TSPAN7: variants seen among roughly 807,000 people sequenced by gnomAD.
TSPAN7 encodes the protein tetraspanin 7.
Under a neutral mutation model 17.6 loss-of-function variants are expected in TSPAN7, and 1 was observed. The ratio of observed to expected loss-of-function variants is 0.06; its 90% CI spans 0.02 to 0.27. The LOEUF (loss-of-function observed/expected upper bound fraction) is 0.27, where lower values mean the gene tolerates loss of function less well. Ranked by LOEUF, TSPAN7 falls within the 10% of genes least tolerant of loss-of-function variation. The probability of loss-of-function intolerance (pLI) is 1.00; values close to 1 mark genes in which losing one functional copy is unlikely to be tolerated. For synonymous variants in TSPAN7, 78 were observed against 79.0 expected, an observed-to-expected ratio of 0.99 and a Z score of 0.07; for missense variants, 112 against 201.7, an observed-to-expected ratio of 0.56 and a Z score of 2.69.
chrX:38,603,970 C>T (rs1460982435), intron 1 of TSPAN7, among the ~76,000 whole-genome samples: 1 of 101,356 alleles, frequency 9.9e-6, no homozygotes, highest in Non-Finnish European at 2.0e-5. Context: ...GTGCTGCACC[C>T]ATTAACTCGT....
At chrX:38,612,185 G>C (rs1447058776) in intron 1 of TSPAN7, 4 of 111,586 alleles carry the variant, frequency 3.6e-5, no homozygotes, top group Non-Finnish European at 5.6e-5. Flanking sequence ...CTGATAGGCA[G>C]GACATTTGAC....
chrX:38,618,122 C>G (rs1308569897), intron 1 of TSPAN7, among the ~76,000 whole-genome samples: 2 of 111,542 alleles, frequency 1.8e-5, no homozygotes, highest in Non-Finnish European at 3.8e-5. Context: ...TAGGGTGGTA[C>G]AGACTAGGAG....
chrX:38,603,857 T>G (rs1350010475), intron 1 of TSPAN7, among the ~76,000 whole-genome samples: 1 of 109,148 alleles, frequency 9.2e-6, no homozygotes, highest in African/African-American at 3.3e-5. Flanking sequence ...TTTTATTTAT[T>G]TATTTATTTA....
At chrX:38,630,103 T>A (rs1256272678) in intron 1 of TSPAN7, among the ~76,000 whole-genome samples, 1 of 111,784 alleles carries the variant, frequency 8.9e-6, no homozygotes, top group Non-Finnish European at 1.9e-5. Context: ...AGGGGATAAC[T>A]TAAATTTCCC....
intron 1 of TSPAN7, among the ~76,000 whole-genome samples, chrX:38,589,074 A>G (rs1270317224): frequency 8.9e-6 from 1 of 111,902 alleles, no homozygotes; most frequent in Admixed American, 9.5e-5. Context: ...CCAGGTTAGC[A>G]TTAGAAGGAT....
rs1259764831 is a variant in TSPAN7 at position 38,681,281 on chromosome X, C to T, written c.675C>T (p.Phe225=). 8.3e-7 allele frequency: 1 copy of T among 1,203,628 alleles called. No homozygotes were observed. Among genetic ancestry groups the T allele is most frequent in the African/African-American group, 1.8e-5 (1 of 56,949 alleles). ...CTGGAGTGGCGTTTGGAATCGCATTCTCCCAGGTAGCCTACATAATTGTGC... is the reference window on the plus strand; with the variant it reads ...CTGGAGTGGCGTTTGGAATCGCATTTTCCCAGGTAGCCTACATAATTGTGC... ...IIAGVAFGIA[F]SQLIGMLLAC... The change falls in exon 6 of 8, where the codon TTC becomes TTT. Residue 225 remains phenylalanine (F), a synonymous_variant. Transcript: ENST00000378482.
At chrX:38,671,273 G>A in intron 2 of TSPAN7, 103 bp from the exon 3 acceptor site, 3 of 785,367 alleles carry the variant, frequency 3.8e-6, no homozygotes, top group Non-Finnish European at 5.9e-6. Flanking sequence ...TAGGGAGTGT[G>A]AGGACTTGTC....
At chrX:38,576,931 C>T (rs1201619829) in intron 1 of TSPAN7, among the ~76,000 whole-genome samples, 1 of 111,499 alleles carries the variant, frequency 9.0e-6, no homozygotes, top group Non-Finnish European at 1.9e-5. Context: ...CTACACTTTG[C>T]AGGCCTTATC....
At chrX:38,616,399 G>A (rs1241173604) in intron 1 of TSPAN7, among the ~76,000 whole-genome samples, 1 of 111,906 alleles carries the variant, frequency 8.9e-6, no homozygotes, top group Non-Finnish European at 1.9e-5. Context: ...TACAGGGATG[G>A]CTGATAATGA....
At chrX:38,666,388 C>T (rs1037282005) in intron 2 of TSPAN7, 79 bp downstream of exon 2, 19 of 1,017,266 alleles carry the variant, frequency 1.9e-5, no homozygotes, top group African/African-American at 5.7e-5. Flanking sequence ...TGAAGTGGTT[C>T]GTCTTGAGGT....
chrX:38,574,296 T>G (rs1569301609), intron 1 of TSPAN7, among the ~76,000 whole-genome samples: 1 of 112,182 alleles, frequency 8.9e-6, no homozygotes, highest in African/African-American at 3.2e-5. Flanking sequence ...GAGATAAAAT[T>G]ATCTTTTTAC....
rs1364512047 is a variant in TSPAN7, at chrX:38,656,196, A to G, written c.82-9925A>G. 1.5e-5 allele frequency: 3 copies of G among 205,726 alleles called. No individual in the cohort carries two copies. The East Asian group carries it at 3.4e-4, about 23-fold the overall frequency. 17.0% of individuals were successfully genotyped at this position (205,726 alleles called of 1,213,427 possible). ...GAGGCTTTGGTGGATATAAAGGAGG[A>G]AAGGATTTATTCCTTCCCCACATGA... is the stretch of plus-strand genomic sequence containing the variant. On this transcript the variant is annotated intron_variant, in intron 1 of 7. Coordinates refer to ENST00000378482, the MANE Select transcript of TSPAN7 (RefSeq NM_004615.4).
chrX:38,652,610 A>T (rs1254888500), intron 1 of TSPAN7, among the ~76,000 whole-genome samples: 1 of 112,751 alleles, frequency 8.9e-6, no homozygotes, highest in African/African-American at 3.2e-5. Flanking sequence ...CAAAGAAAAT[A>T]CATTTTGAGT....
intron 5 of TSPAN7, among the ~76,000 whole-genome samples, chrX:38,677,354 A>G (rs2069861143): frequency 8.9e-6 from 1 of 112,572 alleles, no homozygotes; most frequent in Admixed American, 9.4e-5. Context: ...GATACATGTT[A>G]ACTGTAATAC....
chrX:38,568,394 T>A (rs2069154231), intron 1 of TSPAN7, among the ~76,000 whole-genome samples: 2 of 109,748 alleles, frequency 1.8e-5, no homozygotes. Context: ...GGTATGAAAA[T>A]CTTATTTTTC....
At chrX:38,654,643 T>G (rs192982076) in intron 1 of TSPAN7, among the ~76,000 whole-genome samples, 2 of 112,229 alleles carry the variant, frequency 1.8e-5, no homozygotes, top group African/African-American at 3.2e-5. Flanking sequence ...CCTGCTGTCT[T>G]GTATTTGGTC....
intron 1 of TSPAN7, among the ~76,000 whole-genome samples, chrX:38,652,132 G>A (rs936534444): frequency 6.3e-5 from 7 of 111,601 alleles, no homozygotes; most frequent in South Asian, 3.9e-4. Flanking sequence ...ATGACCTATC[G>A]CTTCCTTTGA....
At chrX:38,666,765 AT>A (rs761695529) in intron 2 of TSPAN7, among the ~76,000 whole-genome samples, 3 of 109,006 alleles carry the variant, frequency 2.8e-5, no homozygotes, top group South Asian at 4.0e-4. Context: ...CGCCCAGCTA[AT>A]TTTTTTTGTA....
At chrX:38,665,498 T>A (rs1602119794) in intron 1 of TSPAN7, among the ~76,000 whole-genome samples, 1 of 112,166 alleles carries the variant, frequency 8.9e-6, no homozygotes, top group East Asian at 2.8e-4. Context: ...AGGGATTTCC[T>A]TTGGACTGAT....
Sources: allele counts gnomAD v4.1 joint callset (sites outside exome capture counted in the v4.1 genomes callset), GRCh38; gene constraint gnomAD v4.1.1; transcripts MANE v1.5; gene names NCBI Gene and HGNC (gene_info 2026-07-23, HGNC 2026-07-21).